The following ADARB2 variants were observed in gnomAD, a reference collection of about 807,000 sequenced individuals.
ADARB2 encodes the protein adenosine deaminase RNA specific B2 (inactive).
ADARB2 carries 25 observed loss-of-function variants against 62.2 expected under a neutral mutation model. The ratio of observed to expected loss-of-function variants is 0.40; its 90% CI spans 0.29 to 0.56. The LOEUF is 0.56. Ranked by LOEUF, ADARB2 falls within the 20% of genes least tolerant of loss-of-function variation. ADARB2 has a pLI of 0.43. For synonymous variants in ADARB2, 572 were observed against 500.8 expected (o/e 1.14, Z -1.90); for missense variants, 1,071 against 1,077.4 (o/e 0.99, Z 0.08).
At chr10:1,471,071 A>G (rs1375645712) in intron 1 of ADARB2, among the ~76,000 whole-genome samples, 3 of 152,098 alleles carry the variant, frequency 2.0e-5, no homozygotes, top group Non-Finnish European at 4.4e-5. Flanking sequence ...AAAAACAAAA[A>G]CAAACCCAAA....
intron 1 of ADARB2, among the ~76,000 whole-genome samples, chr10:1,602,044 G>A (rs540982284): frequency 5.9e-5 from 9 of 152,270 alleles, no homozygotes; most frequent in South Asian, 2.1e-4. Flanking sequence ...GAACCGGTGC[G>A]TGTTGGGTGC....
intron 3 of ADARB2, among the ~76,000 whole-genome samples, chr10:1,305,333 C>G (rs1457289617): frequency 1.3e-5 from 2 of 151,892 alleles, no homozygotes; most frequent in Admixed American, 1.3e-4. Flanking sequence ...ACACATACAT[C>G]CTCCCAAGAC....
At chr10:1,375,800 ACACACAC>A (rs943533742) in intron 2 of ADARB2, among the ~76,000 whole-genome samples, 11 of 122,740 alleles carry the variant, frequency 9.0e-5, no homozygotes, top group Non-Finnish European at 1.8e-4. Flanking sequence ...ACACACGCAC[ACACACAC>A]CACACACATG....
chr10:1,466,861 G>T (rs1831260946), intron 1 of ADARB2, among the ~76,000 whole-genome samples: 1 of 152,118 alleles, frequency 6.6e-6, no homozygotes, highest in Non-Finnish European at 1.5e-5. Context: ...CTACTTTAAT[G>T]TAAACTGGAA....
At chr10:1,348,127 G>A (rs1367633255) in intron 3 of ADARB2, among the ~76,000 whole-genome samples, 3 of 152,316 alleles carry the variant, frequency 2.0e-5, no homozygotes, top group Admixed American at 6.5e-5. Flanking sequence ...GTCCTGTGGT[G>A]CAGTGATTTG....
chr10:1,288,010 C>T (rs1215232237), intron 3 of ADARB2, among the ~76,000 whole-genome samples: 1 of 152,236 alleles, frequency 6.6e-6, no homozygotes, highest in Non-Finnish European at 1.5e-5. Flanking sequence ...ACTGAGTGTG[C>T]ATGGTGGGCC....
intron 3 of ADARB2, among the ~76,000 whole-genome samples, chr10:1,294,846 C>T (rs1209303000): frequency 2.6e-5 from 4 of 152,234 alleles, no homozygotes; most frequent in African/African-American, 9.7e-5. Context: ...TCAGCCCTGC[C>T]TGCAAATTGT....
At chr10:1,625,926 T>A (rs1224428497) in intron 1 of ADARB2, among the ~76,000 whole-genome samples, 6 of 148,932 alleles carry the variant, frequency 4.0e-5, no homozygotes, top group Non-Finnish European at 9.1e-5. Context: ...CTCTCCTGCA[T>A]GGACACAGGC....
rs1207075058 is a variant in ADARB2, at chr10:1,183,027, G to A, written c.*166C>T. The A allele has an allele frequency of 2.9e-5, 23 of 780,970 alleles. No homozygotes were observed. The highest frequency in any genetic ancestry group is 5.4e-5 in the East Asian group (2 of 36,810). The allele number at this position is 780,970 out of a possible 1,614,324, so 48.4% of individuals were successfully genotyped here. A position where few individuals can be genotyped will look rare whatever the true frequency, so the allele number is the denominator to read the frequency against. ...GGGCCAGCGATCTGGAAAGAGGCAC[G>A]TTCTGAATTTGTGTTGTTGCTCGTC... On this transcript the variant is annotated 3_prime_UTR_variant, in exon 10 of 10. Coordinates refer to ENST00000381312, the MANE Select transcript of ADARB2 (RefSeq NM_018702.4).
At chr10:1,568,101 G>C (rs1237624573) in intron 1 of ADARB2, among the ~76,000 whole-genome samples, 1 of 152,236 alleles carries the variant, frequency 6.6e-6, no homozygotes, top group Non-Finnish European at 1.5e-5. Flanking sequence ...TCAGTGACCA[G>C]TGAGAGACGG....
chr10:1,689,207 C>T (rs999080751), intron 1 of ADARB2, among the ~76,000 whole-genome samples: 1 of 152,132 alleles, frequency 6.6e-6, no homozygotes, highest in Non-Finnish European at 1.5e-5. Context: ...ACTGATAATG[C>T]CCAGGTTGCA....
intron 3 of ADARB2, among the ~76,000 whole-genome samples, chr10:1,316,388 C>T (rs1831740226): frequency 1.3e-5 from 2 of 152,218 alleles, no homozygotes; most frequent in African/African-American, 2.4e-5. Context: ...TGTCGCAGCC[C>T]TTGCCTTGTG....
intron 7 of ADARB2, among the ~76,000 whole-genome samples, chr10:1,201,226 G>T (rs1483608978): frequency 6.6e-6 from 1 of 152,226 alleles, no homozygotes; most frequent in Non-Finnish European, 1.5e-5. Flanking sequence ...CATCTGGCTG[G>T]TGGGGGTTTC....
chr10:1,388,638 T>C (rs932382859), intron 1 of ADARB2, among the ~76,000 whole-genome samples: 1 of 151,822 alleles, frequency 6.6e-6, no homozygotes, highest in Non-Finnish European at 1.5e-5. Flanking sequence ...ATAAAATACT[T>C]AGGTATAATC....
chr10:1,364,052 G>T, intron 2 of ADARB2, 135 bp from the exon 3 acceptor site: 1 of 1,246,620 alleles, frequency 8.0e-7, no homozygotes, highest in Non-Finnish European at 1.0e-6. Flanking sequence ...AGAAATGACT[G>T]TGGCCGCCAG....
chr10:1,302,588 CAA>C (rs1447502554), intron 3 of ADARB2, among the ~76,000 whole-genome samples: 2 of 152,142 alleles, frequency 1.3e-5, no homozygotes, highest in Non-Finnish European at 2.9e-5. Context: ...CACAGACAAA[CAA>C]AAAGACAGCA....
At chr10:1,490,802 T>A (rs551371205) in intron 1 of ADARB2, among the ~76,000 whole-genome samples, 173 of 152,202 alleles carry the variant, frequency 1.1e-3, no homozygotes, top group African/African-American at 4.0e-3. Flanking sequence ...CCCAAGACAA[T>A]ATACACATGA....
intron 8 of ADARB2, among the ~76,000 whole-genome samples, chr10:1,193,506 A>C (rs1836869306): frequency 6.6e-6 from 1 of 152,218 alleles, no homozygotes; most frequent in Non-Finnish European, 1.5e-5. Flanking sequence ...CCTAGTACTC[A>C]AAATGTAGTA....
At chr10:1,185,195 C>T (rs2271274) in intron 8 of ADARB2, among the ~76,000 whole-genome samples, 156 bp from the exon 9 acceptor site, 93,757 of 152,214 alleles carry the variant, frequency 0.62, 29,281 homozygotes, top group Middle Eastern at 0.79. Flanking sequence ...ACCCGCAGGG[C>T]GGAGGCTGCA....
Sources: allele counts gnomAD v4.1 joint callset (sites outside exome capture counted in the v4.1 genomes callset), GRCh38; gene constraint gnomAD v4.1.1; transcripts MANE v1.5; gene names NCBI Gene and HGNC (gene_info 2026-07-23, HGNC 2026-07-21).